The following DOCK3 variants were observed in gnomAD, a reference collection of about 807,000 sequenced individuals.
The protein encoded by DOCK3 is dedicator of cytokinesis 3.
A neutral mutation model predicts 265.6 loss-of-function variants in DOCK3; 60 were observed. The ratio of observed to expected loss-of-function variants is 0.23; its 90% CI spans 0.18 to 0.28. The LOEUF (loss-of-function observed/expected upper bound fraction) is 0.28. Ranked by LOEUF, DOCK3 falls within the 10% of genes least tolerant of loss-of-function variation. The pLI is 1.00. For synonymous variants in DOCK3, 881 were observed against 938.0 expected, an observed-to-expected ratio of 0.94 and a Z score of 1.11; for missense variants, 1,981 against 2,594.3, an observed-to-expected ratio of 0.76 and a Z score of 5.14.
intron 5 of DOCK3, among the ~76,000 whole-genome samples, chr3:51,009,756 G>A (rs528846452): frequency 1.4e-4 from 22 of 152,270 alleles, no homozygotes; most frequent in African/African-American, 5.1e-4. Flanking sequence ...TGGGCATTTA[G>A]TGCTATAAAT....
chr3:51,014,496 C>G (rs1338198028), intron 5 of DOCK3, among the ~76,000 whole-genome samples: 1 of 152,112 alleles, frequency 6.6e-6, no homozygotes, highest in Non-Finnish European at 1.5e-5. Flanking sequence ...CATTGATTTG[C>G]TGTCATCTCT....
chr3:50,697,598 A>C (rs918528273), intron 1 of DOCK3, among the ~76,000 whole-genome samples: 17 of 152,148 alleles, frequency 1.1e-4, no homozygotes, highest in South Asian at 4.1e-4. Flanking sequence ...TCTCAAAAAC[A>C]AACCAACCAA....
chr3:51,250,411 G>A (rs1226226944), intron 22 of DOCK3, among the ~76,000 whole-genome samples: 1 of 152,156 alleles, frequency 6.6e-6, no homozygotes, highest in Admixed American at 6.5e-5. Context: ...CTGAGGTCAG[G>A]AGTTCAAGAC....
chr3:51,066,260 A>C (rs2081587042), intron 6 of DOCK3, among the ~76,000 whole-genome samples: 2 of 152,220 alleles, frequency 1.3e-5, no homozygotes, highest in Non-Finnish European at 1.5e-5. Context: ...AGAGCCAAAA[A>C]ACAGGAATAT....
chr3:50,943,915 A>G (rs1044407425), intron 5 of DOCK3, among the ~76,000 whole-genome samples: 1 of 152,184 alleles, frequency 6.6e-6, no homozygotes, highest in East Asian at 1.9e-4. Flanking sequence ...AATGGATGTT[A>G]TAAACTTATT....
intron 3 of DOCK3, among the ~76,000 whole-genome samples, chr3:50,881,625 C>A (rs953918058): frequency 1.3e-5 from 2 of 152,140 alleles, no homozygotes; most frequent in Admixed American, 6.6e-5. Context: ...AGGACACAAA[C>A]AAATGGAAGA....
intron 10 of DOCK3, among the ~76,000 whole-genome samples, chr3:51,149,099 G>C (rs1374078658): frequency 6.6e-6 from 1 of 152,080 alleles, no homozygotes; most frequent in African/African-American, 2.4e-5. Flanking sequence ...TATTCTCTTT[G>C]TAGCAATTGT....
chr3:51,245,254 T>C (rs949845908), intron 21 of DOCK3, among the ~76,000 whole-genome samples: 3 of 152,108 alleles, frequency 2.0e-5, no homozygotes, highest in Non-Finnish European at 2.9e-5. Context: ...CAAGAATTGC[T>C]TGGACCCTGG....
At chr3:50,803,056 GTATTTATTTATT>G (rs546247727) in intron 2 of DOCK3, among the ~76,000 whole-genome samples, 6 of 147,968 alleles carry the variant, frequency 4.1e-5, no homozygotes, top group South Asian at 2.1e-4. Flanking sequence ...ATGTATTTAT[GTATTTATTTATT>G]TATTTATTTA....
intron 49 of DOCK3, among the ~76,000 whole-genome samples, chr3:51,366,905 C>A (rs1415764784): frequency 1.3e-5 from 2 of 152,146 alleles, no homozygotes; most frequent in African/African-American, 4.8e-5. Flanking sequence ...TGCTTTACTT[C>A]CAATTATGTG....
chr3:50,824,822 G>A (rs1387455101), intron 2 of DOCK3, among the ~76,000 whole-genome samples: 1 of 152,156 alleles, frequency 6.6e-6, no homozygotes. Context: ...GATCATATCT[G>A]TGCCATGGTT....
At chr3:50,921,226 T>C (rs1375196994) in intron 4 of DOCK3, among the ~76,000 whole-genome samples, 1 of 152,162 alleles carries the variant, frequency 6.6e-6, no homozygotes, top group Non-Finnish European at 1.5e-5. Flanking sequence ...CAGTCCCATA[T>C]TTATTGGAGG....
intron 10 of DOCK3, among the ~76,000 whole-genome samples, chr3:51,148,835 TG>T (rs1433914543): frequency 6.6e-6 from 1 of 152,214 alleles, no homozygotes; most frequent in Non-Finnish European, 1.5e-5. Context: ...GGCTCTTTTT[TG>T]GTTCCATATG....
intron 2 of DOCK3, among the ~76,000 whole-genome samples, chr3:50,802,504 T>C (rs2043124510): frequency 6.6e-6 from 1 of 152,210 alleles, no homozygotes; most frequent in African/African-American, 2.4e-5. Flanking sequence ...ATTTTATTTA[T>C]TCTTCATTTT....
intron 5 of DOCK3, among the ~76,000 whole-genome samples, chr3:51,018,440 A>C (rs1341215585): frequency 1.9e-5 from 1 of 52,390 alleles, no homozygotes; most frequent in Non-Finnish European, 4.6e-5. Context: ...TCCACAAAAA[A>C]GTTTTTTTTT....
At chr3:50,924,354 T>G (rs933950743) in intron 4 of DOCK3, among the ~76,000 whole-genome samples, 1 of 152,234 alleles carries the variant, frequency 6.6e-6, no homozygotes, top group Non-Finnish European at 1.5e-5. Context: ...TAACAAAGTC[T>G]TCTATAGTCT....
chr3:51,098,024 G>T (rs766343040), intron 9 of DOCK3, among the ~76,000 whole-genome samples: 1 of 152,162 alleles, frequency 6.6e-6, no homozygotes, highest in Non-Finnish European at 1.5e-5. Context: ...CGTTGATCTC[G>T]CTGGGAGCTG....
At chr3:51,354,241 A>T (rs2086207036) in intron 40 of DOCK3, among the ~76,000 whole-genome samples, 1 of 137,534 alleles carries the variant, frequency 7.3e-6, no homozygotes, top group African/African-American at 2.8e-5. Context: ...ATTTAAAATT[A>T]TTTGGTGGCA....
intron 12 of DOCK3, among the ~76,000 whole-genome samples, chr3:51,199,109 A>C (rs568339792): frequency 1.8e-4 from 28 of 152,344 alleles, no homozygotes; most frequent in African/African-American, 5.8e-4. Flanking sequence ...AGCGTCAGCG[A>C]CACAGAAGAC....
Sources: gnomAD v4.1 joint callset for allele counts (sites outside exome capture counted in the v4.1 genomes callset) on GRCh38, gnomAD v4.1.1 for gene constraint, MANE v1.5 for transcripts, NCBI Gene and HGNC (gene_info 2026-07-23, HGNC 2026-07-21) for gene names.